ABCB10: variants seen among roughly 807,000 people sequenced by gnomAD.
ABCB10 encodes the protein ATP-binding cassette sub-family B member 10, mitochondrial.
In ABCB10, 54 loss-of-function variants were observed where a neutral mutation model predicts 65.4. The ratio of observed to expected loss-of-function variants is 0.83; its 90% CI spans 0.66 to 1.04. The LOEUF (loss-of-function observed/expected upper bound fraction) is 1.04. ABCB10 is among the 50% of genes least tolerant of loss of function. The pLI is 0.00. For synonymous variants in ABCB10, 418 were observed against 406.5 expected, an observed-to-expected ratio of 1.03 and a Z score of -0.34; for missense variants, 846 against 976.6, an observed-to-expected ratio of 0.87 and a Z score of 1.78.
chr1:229,526,817 G>A (rs559666246), intron 9 of ABCB10, among the ~76,000 whole-genome samples: 11 of 152,354 alleles, frequency 7.2e-5, no homozygotes, highest in African/African-American at 2.4e-4. Flanking sequence ...TCTTTGCAAG[G>A]AGGACTCTGG....
At chr1:229,519,629 A>C (rs1662254350) in intron 11 of ABCB10, among the ~76,000 whole-genome samples, 1 of 152,164 alleles carries the variant, frequency 6.6e-6, no homozygotes, top group Non-Finnish European at 1.5e-5. Flanking sequence ...CTCTACTAAA[A>C]ATACAAAAAA....
At chr1:229,547,359 A>G (rs1032691355) in intron 3 of ABCB10, 140 bp downstream of exon 3, 2 of 866,074 alleles carry the variant, frequency 2.3e-6, no homozygotes, top group Non-Finnish European at 3.5e-6. Context: ...ACGTTCCAGC[A>G]GCTTCTGCAA....
At chr1:229,547,774 G>A (rs1663004820) in intron 2 of ABCB10, 73 bp from the exon 3 acceptor site, 1 of 1,477,286 alleles carries the variant, frequency 6.8e-7, no homozygotes, top group South Asian at 1.2e-5. Context: ...GCCACTTACT[G>A]TGCAGCAGCT....
intron 5 of ABCB10, 83 bp from the exon 6 acceptor site, chr1:229,539,674 CT>C (rs2102698252): frequency 6.9e-7 from 1 of 1,449,948 alleles, no homozygotes; most frequent in Non-Finnish European, 9.3e-7. Flanking sequence ...TGTAATGTCC[CT>C]TTTTCATTCA....
chr1:229,545,217 C>T (rs988384721), intron 3 of ABCB10, among the ~76,000 whole-genome samples: 1 of 152,196 alleles, frequency 6.6e-6, no homozygotes, highest in Non-Finnish European at 1.5e-5. Flanking sequence ...CAAAACTATT[C>T]ATATTTGGAA....
At chr1:229,521,691 G>T in intron 10 of ABCB10, 56 bp from the exon 11 acceptor site, 1 of 1,588,636 alleles carries the variant, frequency 6.3e-7, no homozygotes. Flanking sequence ...TTAGTAATAG[G>T]CTTTTATGAT....
intron 5 of ABCB10, 109 bp from the exon 6 acceptor site, chr1:229,539,700 A>AT: frequency 1.5e-6 from 2 of 1,304,118 alleles, no homozygotes; most frequent in South Asian, 3.1e-5. Flanking sequence ...TCACAGCAAG[A>AT]TTTTTCCAAA....
At chr1:229,552,815 G>A (rs912472659) in intron 1 of ABCB10, among the ~76,000 whole-genome samples, 11 of 152,100 alleles carry the variant, frequency 7.2e-5, no homozygotes, top group African/African-American at 2.4e-4. Flanking sequence ...GAGGAATCTC[G>A]AACACAGAGA....
chr1:229,528,969 T>C (rs1662506040), intron 8 of ABCB10, among the ~76,000 whole-genome samples: 1 of 152,018 alleles, frequency 6.6e-6, no homozygotes, highest in South Asian at 2.1e-4. Flanking sequence ...AAAAATAAAA[T>C]AAAAACTAGA....
intron 3 of ABCB10, 134 bp downstream of exon 3, chr1:229,547,365 T>A: frequency 1.0e-6 from 1 of 958,876 alleles, no homozygotes; most frequent in Non-Finnish European, 1.5e-6. Flanking sequence ...CAGCAGCTTC[T>A]GCAACAGCAC....
intron 7 of ABCB10, among the ~76,000 whole-genome samples, chr1:229,530,657 T>A (rs927091317): frequency 6.6e-6 from 1 of 152,106 alleles, no homozygotes; most frequent in African/African-American, 2.4e-5. Context: ...CCCTGAGAGG[T>A]AGAAATTATA....
intron 6 of ABCB10, among the ~76,000 whole-genome samples, chr1:229,535,850 C>T (rs569044422): frequency 2.6e-5 from 4 of 152,038 alleles, no homozygotes; most frequent in Admixed American, 6.6e-5. Flanking sequence ...CTCAGTCTCC[C>T]GAGTAGCTGG....
At chr1:229,531,860 C>A in intron 6 of ABCB10, 129 bp from the exon 7 acceptor site, 1 of 591,938 alleles carries the variant, frequency 1.7e-6, no homozygotes, top group South Asian at 3.3e-5. Flanking sequence ...CAAAAAACAA[C>A]TTGAGGCAGC....
rs1393191764 is a variant in ABCB10, at chr1:229,558,552, C to T, written c.101G>A (p.Ser34Asn). 1.7e-5 allele frequency: 25 copies of T among 1,441,770 alleles called. No homozygotes were observed. The highest frequency in any genetic ancestry group is 2.1e-5 in the Non-Finnish European group (23 of 1,098,834). 89.3% of individuals were successfully genotyped at this position (1,441,770 alleles called of 1,614,324 possible). A position where few individuals can be genotyped will look rare whatever the true frequency, so the allele number is the denominator to read the frequency against. The change falls in exon 1 of 13, where the codon AGC becomes AAC. Residue 34 changes from serine (S) to asparagine (N), a missense_variant. This residue lies in a region of ABCB10 where 214 missense variants were observed against 173.5 expected (regional missense o/e 1.23). Transcript: ENST00000344517. Reference sequence around the variant, plus strand: ...CGGCGATAGGGACCCGGGAACGCGGCTGGCCGCGGCCCACACGCAGGCTAC... The same window carrying T: ...CGGCGATAGGGACCCGGGAACGCGGTTGGCCGCGGCCCACACGCAGGCTAC... ...LPVACVWAAASRVPGSLSPFT... is the reference protein window; with the variant it reads ...LPVACVWAAANRVPGSLSPFT...
At position 229,517,003 on chromosome 1, in the gene ABCB10, T is replaced by C. The variant is rs530078386; in HGVS notation, c.*1176A>G. ...GATTTACATTGACTTAATTACTTCT[T>C]AGGGTCTAGCCTCATCCATGGAGAA... is the stretch of plus-strand genomic sequence containing the variant. On this transcript the variant is annotated 3_prime_UTR_variant, in exon 13 of 13. Transcript: ENST00000344517. 4 of 152,196 alleles carry C rather than the reference T, an allele frequency of 2.6e-5. No homozygotes were observed. The highest frequency in any genetic ancestry group is 5.9e-5 in the Non-Finnish European group (4 of 68,016). 9.4% of individuals were successfully genotyped at this position (152,196 alleles called of 1,614,324 possible). A position where few individuals can be genotyped will look rare whatever the true frequency, so the allele number is the denominator to read the frequency against.
At chr1:229,522,380 A>C (rs889440619) in intron 10 of ABCB10, among the ~76,000 whole-genome samples, 1 of 151,544 alleles carries the variant, frequency 6.6e-6, no homozygotes, top group South Asian at 2.1e-4. Context: ...CTAATTTTTA[A>C]AATTTTTTGG....
In ABCB10 at chr1:229,556,804, CTG is replaced by C. The variant is rs917836256; in HGVS notation, c.517+1330_517+1331del. ...GCTCAGGGTTTCTAAAGGCCTCACTCTGTGCCTGGTGGTATGGTCATTTATTC... is the reference window on the plus strand; with the variant it reads ...GCTCAGGGTTTCTAAAGGCCTCACTCTGCCTGGTGGTATGGTCATTTATTC... On this transcript the variant is annotated intron_variant, in intron 1 of 12. Coordinates refer to ENST00000344517, the MANE Select transcript of ABCB10 (RefSeq NM_012089.3). Among the ~76,000 whole-genome samples the C allele has an allele frequency of 4.6e-5, 7 of 152,338 alleles. No individual in the cohort carries two copies. The Middle Eastern group carries it at 0.01, about 222-fold the overall frequency.
intron 1 of ABCB10, among the ~76,000 whole-genome samples, chr1:229,554,399 T>C (rs1663193350): frequency 1.3e-5 from 2 of 152,036 alleles, no homozygotes; most frequent in Non-Finnish European, 2.9e-5. Flanking sequence ...GTTAGGAGTA[T>C]CCCAAAGACA....
Position 229,549,665 on chromosome 1 carries a change from G to A in ABCB10, c.518-231C>T, listed in dbSNP as rs146064044. ...GAAGTGAGTGATCATATCTGAATCA[G>A]AGAAGATGACTTCTTAGTCTGATCA... On this transcript the variant is annotated intron_variant, in intron 1 of 12. Coordinates refer to ENST00000344517, the MANE Select transcript of ABCB10 (RefSeq NM_012089.3). 1.1e-4 allele frequency among the ~76,000 whole-genome samples: 16 copies of A among 152,298 alleles called. No individual in the cohort carries two copies. In the East Asian group the frequency reaches 3.1e-3, roughly 29 times the overall value.
Sources: allele counts gnomAD v4.1 joint callset (sites outside exome capture counted in the v4.1 genomes callset), GRCh38; gene constraint gnomAD v4.1.1; regional missense constraint gnomAD v4.1.1; transcripts MANE v1.5; gene names NCBI Gene and HGNC (gene_info 2026-07-23, HGNC 2026-07-21).